Variants in TATDN1 observed in about 807,000 individuals in gnomAD.
TATDN1 encodes the protein TatD DNase domain containing 1.
TATDN1 carries 40 observed loss-of-function variants against 46.4 expected under a neutral mutation model. The observed-to-expected ratio is 0.86, with a 90% CI of 0.67 to 1.12. TATDN1 has a LOEUF of 1.12. TATDN1 is among the 50% of genes most tolerant of loss of function. TATDN1 has a pLI of 0.00. For synonymous variants in TATDN1, 95 were observed against 105.6 expected (o/e 0.90, Z 0.62); for missense variants, 326 against 348.4 (o/e 0.94, Z 0.51).
chr8:124,537,155 G>A lies in TATDN1; in HGVS notation c.22+1870C>T, dbSNP rs562097236. Among the ~76,000 whole-genome samples the A allele has an allele frequency of 9.5e-4, 144 of 152,102 alleles. 1 individual carries two copies. Among genetic ancestry groups the A allele is most frequent in the South Asian group, 1.0e-3 (5 of 4,816 alleles). On this transcript the variant is annotated intron_variant, in intron 1 of 11. Transcript: ENST00000276692. ...ATTTTCTTATCACCTTAGCACTAAA[G>A]CCACTCATTCATACTTTCCCAAACA...
intron 11 of TATDN1, chr8:124,491,394 T>C (rs1449325899): frequency 6.6e-6 from 1 of 152,318 alleles, no homozygotes; most frequent in Non-Finnish European, 1.5e-5. Flanking sequence ...TTGTTTGTCT[T>C]TCTCTGGCCT....
At chr8:124,532,412 T>A (rs1161048473) in intron 1 of TATDN1, among the ~76,000 whole-genome samples, 1 of 152,278 alleles carries the variant, frequency 6.6e-6, no homozygotes, top group African/African-American at 2.4e-5. Context: ...GCCTCCCACA[T>A]AGCTGGGATT....
intron 10 of TATDN1, chr8:124,494,943 A>C (rs1433491533): frequency 6.5e-6 from 1 of 153,310 alleles, no homozygotes; most frequent in Non-Finnish European, 1.4e-5. Context: ...GTTGGTCTTG[A>C]ACTTCTGACC....
intron 1 of TATDN1, among the ~76,000 whole-genome samples, chr8:124,536,948 T>C (rs1821477427): frequency 6.6e-6 from 1 of 152,086 alleles, no homozygotes. Context: ...TGAATCTGTA[T>C]AACAATCTAT....
Position 124,534,145 on chromosome 8 carries a change from C to CAAAAAAAAAAAAAAAAAAAAA in TATDN1, c.22+4859_22+4879dup, listed in dbSNP as rs869060230. 5.9e-5 allele frequency among the ~76,000 whole-genome samples: 3 copies of CAAAAAAAAAAAAAAAAAAAAA among 51,268 alleles called. 1 individual carries two copies. Among genetic ancestry groups the CAAAAAAAAAAAAAAAAAAAAA allele is most frequent in the East Asian group, 2.6e-3 (2 of 764 alleles). 33.6% of individuals were successfully genotyped at this position (51,268 alleles called of 152,430 possible). The stretch of plus-strand genomic sequence containing the variant: ...TGGGCAACAGAGCGAGACTCCGTCT[C>CAAAAAAAAAAAAAAAAAAAAA]AAAAAAAAAAAAAAAAAAAAAAAAA... On this transcript the variant is annotated intron_variant, in intron 1 of 11. Coordinates refer to ENST00000276692, the MANE Select transcript of TATDN1 (RefSeq NM_032026.4).
chr8:124,492,760 A>C (rs1226943712), intron 11 of TATDN1, among the ~76,000 whole-genome samples: 1 of 151,934 alleles, frequency 6.6e-6, no homozygotes, highest in East Asian at 1.9e-4. Context: ...TCAAAAAAAA[A>C]AAAAAAAAAA....
At chr8:124,503,624 C>G (rs1015891602) in intron 9 of TATDN1, among the ~76,000 whole-genome samples, 32 of 152,090 alleles carry the variant, frequency 2.1e-4, no homozygotes, top group Non-Finnish European at 1.3e-4. Context: ...GACAGAAACT[C>G]CTATACTATT....
intron 6 of TATDN1, among the ~76,000 whole-genome samples, chr8:124,509,010 T>C (rs759237695): frequency 2.6e-5 from 4 of 152,234 alleles, no homozygotes; most frequent in Non-Finnish European, 5.9e-5. Context: ...GAGAGCTTCA[T>C]ACTGCATGCT....
Position 124,495,526 on chromosome 8 carries a change from CT to C in TATDN1, c.609del (p.Ala204LeufsTer6). 1 of 1,604,526 alleles carries C rather than the reference CT, an allele frequency of 6.2e-7. No homozygotes were observed. Among genetic ancestry groups the C allele is most frequent in the Non-Finnish European group, 8.5e-7 (1 of 1,177,060 alleles). ...ATTGACTTCAAAACTTCCAAATTAG[CT>C]TCAGTTTTCAGTGAGCTTAAAAAAA... Reference protein sequence around the residue: ...IGFNGCSLKTEANLEVLKSIP... With the variant: ...IGFNGCSLKTXANLEVLKSIP... On this transcript the variant is annotated frameshift_variant, in exon 10 of 12. Transcript: ENST00000276692. LOFTEE classifies it high-confidence loss of function.
intron 8 of TATDN1, 143 bp downstream of exon 8, chr8:124,508,331 A>G: frequency 3.1e-6 from 2 of 654,904 alleles, no homozygotes; most frequent in Non-Finnish European, 5.2e-6. Context: ...GTGTACAATG[A>G]ATAATCAGAA....
chr8:124,506,728 T>C (rs966014128), intron 8 of TATDN1, among the ~76,000 whole-genome samples: 24 of 152,214 alleles, frequency 1.6e-4, no homozygotes, highest in Admixed American at 1.2e-3. Flanking sequence ...ATAGTGTAAC[T>C]GTGATTTAAT....
intron 1 of TATDN1, chr8:124,538,589 T>G (rs1266699418): frequency 4.4e-6 from 1 of 229,314 alleles, no homozygotes; most frequent in Admixed American, 5.2e-5. Context: ...CCAGGCCCAC[T>G]TGAGGCGCTC....
At chr8:124,505,690 A>G (rs1308378660) in intron 8 of TATDN1, among the ~76,000 whole-genome samples, 4 of 152,026 alleles carry the variant, frequency 2.6e-5, no homozygotes, top group African/African-American at 9.7e-5. Context: ...AAAACAACAT[A>G]TAACAACAGC....
chr8:124,529,229 T>G (rs1460396016), intron 1 of TATDN1, among the ~76,000 whole-genome samples: 2 of 152,216 alleles, frequency 1.3e-5, no homozygotes, highest in East Asian at 3.8e-4. Flanking sequence ...AAGATTCTCC[T>G]GTTTCAACCC....
chr8:124,537,153 A>G (rs541877036), intron 1 of TATDN1, among the ~76,000 whole-genome samples: 2 of 152,290 alleles, frequency 1.3e-5, no homozygotes, highest in African/African-American at 4.8e-5. Flanking sequence ...CTTAGCACTA[A>G]AGCCACTCAT....
At chr8:124,501,377 T>C (rs1471443707) in intron 9 of TATDN1, among the ~76,000 whole-genome samples, 1 of 152,130 alleles carries the variant, frequency 6.6e-6, no homozygotes, top group Non-Finnish European at 1.5e-5. Context: ...AGCCTGCCAG[T>C]TGCTGGAATG....
chr8:124,532,538 C>T (rs1821055563), intron 1 of TATDN1, among the ~76,000 whole-genome samples: 1 of 152,228 alleles, frequency 6.6e-6, no homozygotes, highest in Admixed American at 6.5e-5. Context: ...CCTGCCTCGG[C>T]TTCCCAAAGT....
intron 1 of TATDN1, among the ~76,000 whole-genome samples, chr8:124,526,419 T>A (rs1333111235): frequency 6.6e-6 from 1 of 152,194 alleles, no homozygotes. Flanking sequence ...AAATACTGTA[T>A]GAAAACCAAT....
chr8:124,525,700 G>A (rs977416405), intron 1 of TATDN1, among the ~76,000 whole-genome samples: 17 of 152,242 alleles, frequency 1.1e-4, no homozygotes, highest in African/African-American at 3.1e-4. Flanking sequence ...ACAACAAATG[G>A]AATTTGAATC....
Sources: allele counts gnomAD v4.1 joint callset (sites outside exome capture counted in the v4.1 genomes callset), GRCh38; gene constraint gnomAD v4.1.1; transcripts MANE v1.5; gene names NCBI Gene and HGNC (gene_info 2026-07-23, HGNC 2026-07-21).